Variants in NTNG1 observed in about 807,000 individuals in gnomAD.
The protein encoded by NTNG1 is netrin G1.
Under a neutral mutation model 54.0 loss-of-function variants are expected in NTNG1, and 16 were observed. The ratio of observed to expected loss-of-function variants is 0.30; its 90% CI spans 0.20 to 0.45. NTNG1 has a LOEUF of 0.45. NTNG1 is among the 20% of genes least tolerant of loss of function. The probability of loss-of-function intolerance (pLI) is 1.00; values close to 1 mark genes in which losing one functional copy is unlikely to be tolerated. For missense variants in NTNG1, 530 were observed against 678.7 expected, an observed-to-expected ratio of 0.78 and a Z score of 2.43; for synonymous variants, 255 against 263.1, an observed-to-expected ratio of 0.97 and a Z score of 0.30.
At chr1:107,208,109 A>T (rs565402239) in intron 2 of NTNG1, among the ~76,000 whole-genome samples, 2 of 152,296 alleles carry the variant, frequency 1.3e-5, no homozygotes, top group South Asian at 4.1e-4. Context: ...AGACACCAGC[A>T]CATTAAGTTC....
intron 2 of NTNG1, among the ~76,000 whole-genome samples, chr1:107,168,098 A>G (rs1655943385): frequency 6.6e-6 from 1 of 152,042 alleles, no homozygotes; most frequent in Non-Finnish European, 1.5e-5. Flanking sequence ...TTGAAACAAG[A>G]TTATTCATGA....
chr1:107,244,591 G>A (rs150388805), intron 2 of NTNG1, among the ~76,000 whole-genome samples: 4 of 152,208 alleles, frequency 2.6e-5, no homozygotes, highest in African/African-American at 9.6e-5. Flanking sequence ...GGAATAAATG[G>A]TCCATTATTT....
chr1:107,276,967 G>C (rs1664519862), intron 2 of NTNG1, among the ~76,000 whole-genome samples: 1 of 152,044 alleles, frequency 6.6e-6, no homozygotes, highest in South Asian at 2.1e-4. Context: ...GAGAACTGCT[G>C]TGAGGAAAAA....
intron 2 of NTNG1, among the ~76,000 whole-genome samples, chr1:107,186,997 G>A (rs1412793295): frequency 6.6e-6 from 1 of 152,112 alleles, no homozygotes; most frequent in Non-Finnish European, 1.5e-5. Flanking sequence ...CACTTATGCA[G>A]TATACTGTGT....
intron 2 of NTNG1, among the ~76,000 whole-genome samples, chr1:107,297,961 T>C (rs1666083741): frequency 1.3e-5 from 2 of 152,186 alleles, no homozygotes; most frequent in African/African-American, 2.4e-5. Context: ...AATAAAAGTC[T>C]CATTTGAAAG....
At chr1:107,459,474 A>C (rs1677146670) in intron 7 of NTNG1, among the ~76,000 whole-genome samples, 1 of 152,234 alleles carries the variant, frequency 6.6e-6, no homozygotes, top group South Asian at 2.1e-4. Flanking sequence ...CCTAAAGAAC[A>C]GAAAGAGAAG....
At chr1:107,431,878 G>C (rs1355536548) in intron 6 of NTNG1, among the ~76,000 whole-genome samples, 2 of 152,144 alleles carry the variant, frequency 1.3e-5, no homozygotes, top group African/African-American at 4.8e-5. Flanking sequence ...GGATACACAA[G>C]CTGAATAATG....
intron 2 of NTNG1, among the ~76,000 whole-genome samples, chr1:107,235,599 G>C (rs1044415398): frequency 6.6e-6 from 1 of 152,128 alleles, no homozygotes; most frequent in Non-Finnish European, 1.5e-5. Context: ...TGGTTGGAAG[G>C]AATTATTGCA....
intron 2 of NTNG1, among the ~76,000 whole-genome samples, chr1:107,151,378 G>A (rs1303535223): frequency 6.6e-6 from 1 of 152,040 alleles, no homozygotes; most frequent in Non-Finnish European, 1.5e-5. Context: ...GGTGTAATGG[G>A]GATTCATAAA....
chr1:107,386,469 T>A (rs915048791), intron 3 of NTNG1, among the ~76,000 whole-genome samples: 1 of 152,172 alleles, frequency 6.6e-6, no homozygotes, highest in African/African-American at 2.4e-5. Flanking sequence ...CCACCACTCC[T>A]GGCAGGAAAT....
chr1:107,156,288 C>G (rs867831350), intron 2 of NTNG1, among the ~76,000 whole-genome samples: 54 of 152,254 alleles, frequency 3.5e-4, no homozygotes, highest in African/African-American at 1.2e-3. Flanking sequence ...AAAATCTACT[C>G]TGAACTCAGA....
At chr1:107,369,294 A>G (rs1007180073) in intron 3 of NTNG1, among the ~76,000 whole-genome samples, 2 of 152,178 alleles carry the variant, frequency 1.3e-5, no homozygotes, top group African/African-American at 4.8e-5. Context: ...TATGGTAAAC[A>G]TAAGTTTAAC....
chr1:107,288,471 G>A (rs541987472), intron 2 of NTNG1, among the ~76,000 whole-genome samples: 6 of 152,206 alleles, frequency 3.9e-5, no homozygotes, highest in Admixed American at 3.9e-4. Flanking sequence ...ATAGTAAGGG[G>A]AAAGAGAAAA....
intron 2 of NTNG1, among the ~76,000 whole-genome samples, chr1:107,190,453 T>C (rs1657818295): frequency 6.6e-6 from 1 of 152,114 alleles, no homozygotes; most frequent in South Asian, 2.1e-4. Context: ...ATACTTTAAG[T>C]TTTAGGGTAC....
chr1:107,286,363 C>T (rs1203784179), intron 2 of NTNG1, among the ~76,000 whole-genome samples: 1 of 152,158 alleles, frequency 6.6e-6, no homozygotes, highest in Non-Finnish European at 1.5e-5. Context: ...TCATTTCACT[C>T]CTGCCACCAA....
chr1:107,417,597 C>A (rs1018389316), intron 5 of NTNG1, among the ~76,000 whole-genome samples: 2 of 152,014 alleles, frequency 1.3e-5, no homozygotes, highest in Non-Finnish European at 2.9e-5. Context: ...TCATGCCTGT[C>A]CACATATCGG....
intron 2 of NTNG1, among the ~76,000 whole-genome samples, chr1:107,306,137 C>A (rs965421191): frequency 5.9e-5 from 9 of 151,914 alleles, no homozygotes; most frequent in Non-Finnish European, 1.3e-4. Flanking sequence ...CTACTACTAT[C>A]CTATAGAAAT....
At chr1:107,207,640 A>G (rs1287779212) in intron 2 of NTNG1, among the ~76,000 whole-genome samples, 1 of 152,166 alleles carries the variant, frequency 6.6e-6, no homozygotes, top group Non-Finnish European at 1.5e-5. Flanking sequence ...TCTTGTTTTC[A>G]TCATATTCAA....
At chr1:107,432,095 G>T (rs1675304722) in intron 6 of NTNG1, among the ~76,000 whole-genome samples, 1 of 152,136 alleles carries the variant, frequency 6.6e-6, no homozygotes, top group Non-Finnish European at 1.5e-5. Flanking sequence ...TGTCAATTAG[G>T]AGAGAAAGTA....
Sources: allele counts gnomAD v4.1 joint callset (sites outside exome capture counted in the v4.1 genomes callset), GRCh38; gene constraint gnomAD v4.1.1; transcripts MANE v1.5; gene names NCBI Gene and HGNC (gene_info 2026-07-23, HGNC 2026-07-21).